COL9A1: variants seen among roughly 807,000 people sequenced by gnomAD.
COL9A1 encodes collagen type IX alpha 1 chain, also known as collagen alpha-1(IX) chain.
In COL9A1, 104 loss-of-function variants were observed where a neutral mutation model predicts 142.6. The observed-to-expected ratio is 0.73, with a 90% CI of 0.62 to 0.86. COL9A1 has a LOEUF of 0.86. COL9A1 is among the 40% of genes least tolerant of loss of function. The pLI is 0.00. For synonymous variants in COL9A1, 466 were observed against 396.0 expected, an observed-to-expected ratio of 1.18 and a Z score of -2.10; for missense variants, 1,210 against 1,176.6, an observed-to-expected ratio of 1.03 and a Z score of -0.42.
intron 11 of COL9A1, 91 bp from the exon 12 acceptor site, chr6:70,274,173 C>A (rs1228344362): frequency 9.7e-7 from 1 of 1,033,634 alleles, no homozygotes; most frequent in Non-Finnish European, 1.4e-6. Context: ...CATTAAAACA[C>A]CCCATTATGG....
intron 37 of COL9A1, among the ~76,000 whole-genome samples, chr6:70,217,672 T>A (rs1369642188): frequency 2.0e-5 from 3 of 152,212 alleles, no homozygotes; most frequent in African/African-American, 7.2e-5. Flanking sequence ...TATTCCTTAC[T>A]TCTAAGAGTT....
chr6:70,234,607 GA>G lies in COL9A1; in HGVS notation c.2260-15del. 6.2e-7 allele frequency: 1 copy of G among 1,613,942 alleles called. No homozygotes were observed. The highest frequency in any genetic ancestry group is 8.5e-7 in the Non-Finnish European group (1 of 1,179,932). ...CGGTGCTCTACCCTGGGACAGAAAA[GA>G]AAAAAAGGCAGTTTATGCATGAAAC... is the stretch of plus-strand genomic sequence containing the variant. On this transcript the variant is annotated splice_polypyrimidine_tract_variant and intron_variant, in intron 34 of 37. Transcript: ENST00000357250.
intron 5 of COL9A1, among the ~76,000 whole-genome samples, chr6:70,288,710 TC>T (rs1315897500): frequency 6.6e-6 from 1 of 152,116 alleles, no homozygotes. Flanking sequence ...GGAATCCTCC[TC>T]CCCCAGATAT....
chr6:70,220,334 T>C (rs1336240759), intron 37 of COL9A1, among the ~76,000 whole-genome samples: 2 of 151,940 alleles, frequency 1.3e-5, no homozygotes, highest in Non-Finnish European at 2.9e-5. Context: ...CTAACTGTAT[T>C]TTCCTACCTA....
At chr6:70,275,666 A>T (rs1772712094) in intron 10 of COL9A1, among the ~76,000 whole-genome samples, 1 of 152,010 alleles carries the variant, frequency 6.6e-6, no homozygotes, top group African/African-American at 2.4e-5. Context: ...TCTATTTTTA[A>T]TTTTTTTCTT....
intron 4 of COL9A1, among the ~76,000 whole-genome samples, chr6:70,298,256 G>A (rs532654923): frequency 1.1e-4 from 16 of 152,268 alleles, no homozygotes; most frequent in African/African-American, 3.9e-4. Context: ...GGCTCTTGAA[G>A]CACTCTCCAG....
intron 25 of COL9A1, 74 bp from the exon 26 acceptor site, chr6:70,253,503 A>G (rs1157031314): frequency 1.1e-5 from 11 of 1,030,690 alleles, no homozygotes; most frequent in Non-Finnish European, 3.0e-6. Context: ...CCCACTGCAC[A>G]CTGCAGGGAG....
intron 4 of COL9A1, among the ~76,000 whole-genome samples, chr6:70,295,543 C>T (rs1267721501): frequency 6.6e-6 from 1 of 152,066 alleles, no homozygotes; most frequent in Non-Finnish European, 1.5e-5. Context: ...CTGCCTCAGT[C>T]TCCCATAGTG....
chr6:70,294,231 G>C lies in COL9A1; in HGVS notation c.632C>G (p.Pro211Arg). The C allele has an allele frequency of 1.2e-6, 2 of 1,614,024 alleles. No homozygotes were observed. The highest frequency in any genetic ancestry group is 1.7e-6 in the Non-Finnish European group (2 of 1,179,952). ...CACAGCAAAGCCATCAATGTCAATT[G>C]GGCCTCTTGGCTTTATAGGTAAAGA... ...IESLPIKPRG[P>R]IDIDGFAVLG... is the part of the protein sequence containing the mutation. Residue 211 changes from proline to arginine, a missense_variant, in exon 5 of 38, where the codon CCA becomes CGA. By Grantham distance (103) the Pro-to-Arg change is moderately radical. Transcript: ENST00000357250.
rs149389568 is a variant in COL9A1, at chr6:70,294,411, T to A, written c.452A>T (p.Gln151Leu). ...TCCCTTGTATGAAAATACAACAGAT[T>A]GTGTTTGGCCATTAATCTTTATGCC... The part of the protein sequence containing the change: ...QVGIKINGQT[Q>L]SVVFSYKGLD... The change falls in exon 5 of 38, where the codon CAA becomes CTA. Residue 151 changes from glutamine to leucine, a missense_variant. Coordinates refer to ENST00000357250, the MANE Select transcript of COL9A1 (RefSeq NM_001851.6). 88 of 1,614,104 alleles carry A rather than the reference T, an allele frequency of 5.5e-5. No individual in the cohort carries two copies. In the African/African-American group the frequency reaches 9.7e-4, roughly 18 times the overall value.
chr6:70,260,840 A>G, intron 19 of COL9A1, 130 bp from the exon 20 acceptor site: 1 of 749,174 alleles, frequency 1.3e-6, no homozygotes, highest in Non-Finnish European at 2.2e-6. Context: ...TAGTAACTAT[A>G]TATATATAGA....
intron 24 of COL9A1, 53 bp from the exon 25 acceptor site, chr6:70,254,582 C>A: frequency 1.5e-5 from 23 of 1,553,152 alleles, no homozygotes; most frequent in South Asian, 3.3e-5. Flanking sequence ...TGCTGTATTT[C>A]TTTTAAGAAA....
chr6:70,302,416 G>A (rs1387300701), intron 1 of COL9A1, among the ~76,000 whole-genome samples: 2 of 151,900 alleles, frequency 1.3e-5, no homozygotes, highest in Non-Finnish European at 2.9e-5. Context: ...CACCATGGTG[G>A]TCAGTCTGGT....
At position 70,303,062 on chromosome 6, in the gene COL9A1, C is replaced by T. The variant is rs559436423; in HGVS notation, c.-138G>A. 68 of 888,762 alleles carry T rather than the reference C, an allele frequency of 7.7e-5. No homozygotes were observed. The East Asian group carries it at 1.3e-3, about 17-fold the overall frequency. The allele number at this position is 888,762 out of a possible 1,614,324, so 55.1% of individuals were successfully genotyped here. On this transcript the variant is annotated 5_prime_UTR_variant, in exon 1 of 38. Coordinates refer to ENST00000357250, the MANE Select transcript of COL9A1 (RefSeq NM_001851.6). ...GCCCAGCCTTGGTCCCTCCTGCCCC[C>T]GGTGAGGGCTAAAAGCAAAGGGAGA...
chr6:70,262,404 A>G (rs765740478), intron 19 of COL9A1, among the ~76,000 whole-genome samples: 11 of 152,138 alleles, frequency 7.2e-5, no homozygotes, highest in Non-Finnish European at 1.3e-4. Context: ...AAATTCCCTT[A>G]CACATTAATC....
intron 10 of COL9A1, chr6:70,280,559 A>G: frequency 2.2e-6 from 3 of 1,393,642 alleles, no homozygotes; most frequent in Non-Finnish European, 1.9e-6. Flanking sequence ...ACAGGAAGCC[A>G]GTACCCGCTG....
At chr6:70,234,450 T>C in intron 35 of COL9A1, 89 bp downstream of exon 35, 1 of 1,377,918 alleles carries the variant, frequency 7.3e-7, no homozygotes, top group Non-Finnish European at 1.0e-6. Context: ...AAAAAGTCAC[T>C]CTTGTTTACC....
chr6:70,281,280 G>A (rs1251345997), intron 8 of COL9A1, 110 bp downstream of exon 8: 15 of 1,055,862 alleles, frequency 1.4e-5, no homozygotes, highest in Non-Finnish European at 2.1e-5. Context: ...TGGCAGGAAG[G>A]GGAGACCCTG....
At chr6:70,236,578 A>G (rs1421475829) in intron 33 of COL9A1, among the ~76,000 whole-genome samples, 1 of 152,238 alleles carries the variant, frequency 6.6e-6, no homozygotes, top group African/African-American at 2.4e-5. Context: ...CTTTAAACTG[A>G]AGAAGGCGAT....
Sources: gnomAD v4.1 joint callset for allele counts (sites outside exome capture counted in the v4.1 genomes callset) on GRCh38, gnomAD v4.1.1 for gene constraint, MANE v1.5 for transcripts, NCBI Gene and HGNC (gene_info 2026-07-23, HGNC 2026-07-21) for gene names.